Variants in TIMM44 observed in about 807,000 individuals in gnomAD.
TIMM44 encodes the protein mitochondrial import inner membrane translocase subunit TIM44.
In TIMM44, 37 loss-of-function variants were observed where a neutral mutation model predicts 63.8. The observed-to-expected ratio is 0.58, with a 90% confidence interval of 0.45 to 0.76. The LOEUF (loss-of-function observed/expected upper bound fraction) is 0.76. TIMM44 is among the 30% of genes least tolerant of loss of function. The pLI, the probability that TIMM44 is intolerant of heterozygous loss-of-function variation, is 0.00. For missense variants in TIMM44, 573 were observed against 603.8 expected, an observed-to-expected ratio of 0.95 and a Z score of 0.54; for synonymous variants, 239 against 245.1, an observed-to-expected ratio of 0.98 and a Z score of 0.23.
At position 7,938,024 on chromosome 19, in the gene TIMM44, C is replaced by T. The variant is rs1380694807; in HGVS notation, c.312+3G>A. ...GGGAAAAAAAAGCAGCAAAGAAACT[C>T]ACGTATTTCCTTCTGGCCTCCTGGA... On this transcript the variant is annotated splice_donor_region_variant and intron_variant, in intron 3 of 12. Coordinates refer to ENST00000270538, the MANE Select transcript of TIMM44 (RefSeq NM_006351.4). 1 of 1,613,860 alleles carries T rather than the reference C, an allele frequency of 6.2e-7. No homozygotes were observed. The highest frequency in any genetic ancestry group is 1.7e-5 in the Admixed American group (1 of 59,980).
At chr19:7,937,889 G>A (rs3745390) in intron 3 of TIMM44, 138 bp downstream of exon 3, 74,827 of 1,001,516 alleles carry the variant, frequency 0.075, 3,221 homozygotes, top group African/African-American at 0.16. Flanking sequence ...GTGGTGGTGC[G>A]CGCCTGTAAG....
chr19:7,933,663 AG>A lies in TIMM44; in HGVS notation c.684-94del. 1 of 1,326,324 alleles carries A rather than the reference AG, an allele frequency of 7.5e-7. No homozygotes were observed. The highest frequency in any genetic ancestry group is 1.7e-5 in the Admixed American group (1 of 58,772). 82.2% of individuals were successfully genotyped at this position (1,326,324 alleles called of 1,614,324 possible). A position where few individuals can be genotyped will look rare whatever the true frequency, so the allele number is the denominator to read the frequency against. On this transcript the variant is annotated intron_variant, in intron 6 of 12. Transcript: ENST00000270538. This position sits in a 1 kb window ranked among gnomAD's most constrained non-coding sequence, Gnocchi z 4.3. ...CAGGCAGGGGGCAGTACAGGACAGC[AG>A]GCAGCTGAGACCTCAAACCTAGGGG...
Position 7,941,207 on chromosome 19 carries a change from GGGAGA to G in TIMM44, c.46-15_46-11del. The G allele has an allele frequency of 1.2e-6, 2 of 1,602,472 alleles. No homozygotes were observed. The highest frequency in any genetic ancestry group is 1.7e-6 in the Non-Finnish European group (2 of 1,169,426). On this transcript the variant is annotated splice_polypyrimidine_tract_variant and intron_variant, in intron 1 of 12. Coordinates refer to ENST00000270538, the MANE Select transcript of TIMM44 (RefSeq NM_006351.4). Reference sequence around the variant, plus strand: ...CACTGCCGAGGCATCTCTAATTGGGGGGAGAGAAGAGAAAGATCCATTCTAACAAG... The same window carrying G: ...CACTGCCGAGGCATCTCTAATTGGGGGAAGAGAAAGATCCATTCTAACAAG...
chr19:7,928,476 G>C, intron 10 of TIMM44: 1 of 411,984 alleles, frequency 2.4e-6, no homozygotes, highest in Non-Finnish European at 4.5e-6. Context: ...CGGCCCCTTG[G>C]CTGATCTTTA....
intron 2 of TIMM44, among the ~76,000 whole-genome samples, chr19:7,939,165 T>C (rs1286121123): frequency 1.3e-5 from 2 of 151,984 alleles, no homozygotes; most frequent in Non-Finnish European, 2.9e-5. Context: ...TGTATCAACA[T>C]CCTGTCAATT....
In TIMM44 at chr19:7,934,865, A is replaced by G. The variant is rs1984099174; in HGVS notation, c.393+200T>C. Among the ~76,000 whole-genome samples the G allele has an allele frequency of 6.6e-6, 1 of 152,168 alleles. No individual in the cohort carries two copies. The highest frequency in any genetic ancestry group is 1.5e-5 in the Non-Finnish European group (1 of 68,010). ...CTTACTGCTGCCGACTCCCTGGGTC[A>G]ACGGTCATGCAAGGTTGCCAGTCTG... On this transcript the variant is annotated intron_variant, in intron 4 of 12. Transcript: ENST00000270538. The surrounding 1 kb of genome is among the most constrained non-coding windows in gnomAD (Gnocchi z 5.3).
chr19:7,929,859 C>CT (rs925858830), intron 10 of TIMM44, among the ~76,000 whole-genome samples: 397 of 151,670 alleles, frequency 2.6e-3, no homozygotes, highest in African/African-American at 8.8e-3. Flanking sequence ...ATTATTATTT[C>CT]TTTTTTTTTA....
intron 11 of TIMM44, 68 bp from the exon 12 acceptor site, chr19:7,927,835 C>T (rs1195771888): frequency 2.0e-6 from 3 of 1,512,568 alleles, no homozygotes; most frequent in East Asian, 2.3e-5. Context: ...GAGGTGAAAC[C>T]CCTGCGCCTA....
intron 2 of TIMM44, among the ~76,000 whole-genome samples, chr19:7,938,413 G>A (rs184464286): frequency 6.6e-6 from 1 of 152,106 alleles, no homozygotes; most frequent in East Asian, 1.9e-4. Flanking sequence ...ATTATTCAGT[G>A]CTGAAAAAAA....
rs528522335 is a variant in TIMM44 at position 7,940,459 on chromosome 19, GAA to G, written c.141+641_141+642del. 8.5e-5 allele frequency among the ~76,000 whole-genome samples: 13 copies of G among 152,168 alleles called. No individual in the cohort carries two copies. The South Asian group carries it at 2.7e-3, about 32-fold the overall frequency. ...GTGGCGGGGGACTAGACAAGAAAGG[GAA>G]AGAGTCACAGGTCCTGTCCCACACC... On this transcript the variant is annotated intron_variant, in intron 2 of 12. Transcript: ENST00000270538.
rs1267488733 is a variant in TIMM44 at position 7,943,636 on chromosome 19, G to A, written c.16C>T (p.Leu6=). MAAAA[L]RSGWCRCPRR... ...GGACAGCGGCACCAGCCACTCCGCA[G>A]GGCCGCCGCCGCCATGTTGGAGAAT... The change falls in exon 1 of 13, where the codon CTG becomes TTG. Residue 6 remains leucine, a synonymous_variant. Coordinates refer to ENST00000270538, the MANE Select transcript of TIMM44 (RefSeq NM_006351.4). This position sits in a 1 kb window ranked among gnomAD's most constrained non-coding sequence, Gnocchi z 4.3. 4.5e-6 allele frequency: 7 copies of A among 1,569,154 alleles called. No homozygotes were observed. In the East Asian group the frequency reaches 1.2e-4, roughly 26 times the overall value.
At position 7,941,190 on chromosome 19, in the gene TIMM44, A is replaced by G. The variant is rs148816487; in HGVS notation, c.53T>C (p.Leu18Pro). 10 of 1,613,188 alleles carry G rather than the reference A, an allele frequency of 6.2e-6. No individual in the cohort carries two copies. In the African/African-American group the frequency reaches 1.3e-4, roughly 22 times the overall value. ...GGAAAGAAATTGGATTCCACTGCCG[A>G]GGCATCTCTAATTGGGGGGAGAGAA... ...SGWCRCPRRC[L>P]GSGIQFLSSH... The change falls in exon 2 of 13, where the codon CTC becomes CCC. Residue 18 changes from leucine (L) to proline (P), a missense_variant. Coordinates refer to ENST00000270538, the MANE Select transcript of TIMM44 (RefSeq NM_006351.4).
At chr19:7,937,689 T>C (rs1336626789) in intron 3 of TIMM44, 4 of 335,678 alleles carry the variant, frequency 1.2e-5, no homozygotes, top group East Asian at 1.6e-4. Flanking sequence ...GGAGAAACCC[T>C]GGCCCTGGAA....
intron 2 of TIMM44, among the ~76,000 whole-genome samples, chr19:7,940,674 T>G (rs1021408616): frequency 2.2e-4 from 34 of 152,056 alleles, no homozygotes; most frequent in Non-Finnish European, 2.9e-5. Flanking sequence ...AGAAGCACAG[T>G]TGAAGAGGAA....
At chr19:7,931,023 G>A (rs1983965416) in intron 10 of TIMM44, 115 bp downstream of exon 10, 8 of 901,370 alleles carry the variant, frequency 8.9e-6, no homozygotes, top group Admixed American at 4.6e-5. Flanking sequence ...CCCCCACCGG[G>A]AGCCCAGGTC....
chr19:7,931,372 G>C (rs1428056261), intron 9 of TIMM44, 184 bp from the exon 10 acceptor site: 1 of 655,788 alleles, frequency 1.5e-6, no homozygotes, highest in South Asian at 1.7e-5. Context: ...CCCTGCTGGT[G>C]TCAGTGCCTG....
At position 7,934,376 on chromosome 19, in the gene TIMM44, G is replaced by A. The variant is rs1453107249; in HGVS notation, c.394-138C>T. 6.1e-6 allele frequency: 7 copies of A among 1,145,784 alleles called. No homozygotes were observed. In the East Asian group the frequency reaches 1.7e-4, roughly 28 times the overall value. 71.0% of individuals were successfully genotyped at this position (1,145,784 alleles called of 1,614,324 possible). On this transcript the variant is annotated intron_variant, in intron 4 of 12. Coordinates refer to ENST00000270538, the MANE Select transcript of TIMM44 (RefSeq NM_006351.4). This position sits in a 1 kb window ranked among gnomAD's most constrained non-coding sequence, Gnocchi z 5.3. ...CGGCAGAGGCCTTCTGTGCTCCTGT[G>A]GTACGCGGCACCCCCAGAGCCATGA...
intron 10 of TIMM44, among the ~76,000 whole-genome samples, chr19:7,930,753 T>C (rs1011220234): frequency 2.6e-5 from 4 of 152,162 alleles, no homozygotes; most frequent in Non-Finnish European, 4.4e-5. Context: ...ACCAAAATTA[T>C]TTTAAGATTG....
rs757369993 is a variant in TIMM44 at position 7,935,080 on chromosome 19, C to T, written c.378G>A (p.Thr126=). ...GAACTGTTACCTCCTTCACGGTGCC[C>T]GTCAGCTCCCCAAGCTTCTTCCGTA... The part of the protein sequence containing the change: ...EVLRKKLGEL[T]GTVKESLHEV... The change falls in exon 4 of 13, where the codon ACG becomes ACA. Residue 126 remains threonine (T), a synonymous_variant. Transcript: ENST00000270538. 1.1e-5 allele frequency: 18 copies of T among 1,613,468 alleles called. No homozygotes were observed. Among genetic ancestry groups the T allele is most frequent in the South Asian group, 5.5e-5 (5 of 90,932 alleles).
Sources: allele counts gnomAD v4.1 joint callset (sites outside exome capture counted in the v4.1 genomes callset), GRCh38; gene constraint gnomAD v4.1.1; non-coding constraint Gnocchi (gnomAD v3.1); transcripts MANE v1.5; gene names NCBI Gene and HGNC (gene_info 2026-07-23, HGNC 2026-07-21).